The following RFX8 variants were observed in gnomAD, a reference collection of about 807,000 sequenced individuals.
RFX8 encodes the protein regulatory factor X8, also known as DNA-binding protein RFX8.
A neutral mutation model predicts 54.6 loss-of-function variants in RFX8; 46 were observed. That is an observed-to-expected ratio of 0.84 (90% CI 0.67 to 1.08). RFX8 has a LOEUF of 1.08. Among genes scored for constraint, RFX8 ranks in the 50% least tolerant of loss-of-function variants. The pLI, the probability that RFX8 is intolerant of heterozygous loss-of-function variation, is 0.00. For synonymous variants in RFX8, 192 were observed against 209.5 expected (o/e 0.92, Z 0.72); for missense variants, 536 against 562.3 (o/e 0.95, Z 0.47).
chr2:101,470,709 CTTTTTT>C (rs537834632), intron 1 of RFX8, among the ~76,000 whole-genome samples: 6 of 105,538 alleles, frequency 5.7e-5, no homozygotes, highest in African/African-American at 2.4e-4. Flanking sequence ...TCTGAGTACT[CTTTTTT>C]TTTTTTTTTT....
At chr2:101,402,380 T>A in intron 11 of RFX8, 56 bp downstream of exon 11, 1 of 1,337,220 alleles carries the variant, frequency 7.5e-7, no homozygotes, top group East Asian at 2.5e-5. Flanking sequence ...ACTAATCACC[T>A]GTGGCTCTTA....
At chr2:101,401,494 A>T (rs1008354491) in intron 11 of RFX8, among the ~76,000 whole-genome samples, 1 of 152,166 alleles carries the variant, frequency 6.6e-6, no homozygotes, top group African/African-American at 2.4e-5. Flanking sequence ...ACCTGCCTCA[A>T]TTTCCTACTA....
In RFX8 at chr2:101,402,682, C is replaced by T; in HGVS notation, c.999G>A (p.Glu333=). 1 of 1,555,156 alleles carries T rather than the reference C, an allele frequency of 6.4e-7. No individual in the cohort carries two copies. The highest frequency in any genetic ancestry group is 8.7e-7 in the Non-Finnish European group (1 of 1,148,544). ...MIHILQSCLE[E]EEEEEDMGTV... The stretch of plus-strand genomic sequence containing the variant: ...TCCCCATGTCCTCCTCCTCCTCTTC[C>T]TCCTCTAGGCATGACTGAAGTATAT... Residue 333 remains glutamate (E), a synonymous_variant, in exon 11 of 12, where the codon GAG becomes GAA. Coordinates refer to ENST00000428343, the MANE Select transcript of RFX8 (RefSeq NM_001145664.2).
At chr2:101,433,027 G>A (rs531526167) in intron 2 of RFX8, among the ~76,000 whole-genome samples, 4 of 152,250 alleles carry the variant, frequency 2.6e-5, no homozygotes, top group South Asian at 2.1e-4. Flanking sequence ...AGGGAAGGGC[G>A]GGGTCAGCTG....
intron 8 of RFX8, among the ~76,000 whole-genome samples, chr2:101,411,383 G>A (rs1437022341): frequency 6.6e-6 from 1 of 152,180 alleles, no homozygotes; most frequent in Non-Finnish European, 1.5e-5. Context: ...AGCAGTGGCT[G>A]GCAGTCTGCT....
chr2:101,439,597 A>T (rs6709281), intron 2 of RFX8, among the ~76,000 whole-genome samples: 110,460 of 145,592 alleles, frequency 0.76, 42,579 homozygotes, highest in Middle Eastern at 0.88. Flanking sequence ...ATTGAAGTTC[A>T]TTTTTTTTTT....
At position 101,417,270 on chromosome 2, in the gene RFX8, T is replaced by C. The variant is rs181669041; in HGVS notation, c.502+264A>G. 6.6e-5 allele frequency among the ~76,000 whole-genome samples: 10 copies of C among 152,328 alleles called. No homozygotes were observed. The East Asian group carries it at 1.7e-3, about 26-fold the overall frequency. On this transcript the variant is annotated intron_variant, in intron 6 of 11. Coordinates refer to ENST00000428343, the MANE Select transcript of RFX8 (RefSeq NM_001145664.2). ...CCCAGGCTGGAGTGCAGTGACATGA[T>C]CATGGCTCACTGTAGCCTTGACCTC...
chr2:101,458,041 T>G (rs1369550347), intron 2 of RFX8, among the ~76,000 whole-genome samples: 1 of 152,200 alleles, frequency 6.6e-6, no homozygotes, highest in Non-Finnish European at 1.5e-5. Context: ...CCCCTGCTTT[T>G]TTTTCGCTTT....
At chr2:101,409,662 G>A (rs1478538517) in intron 9 of RFX8, among the ~76,000 whole-genome samples, 2 of 152,122 alleles carry the variant, frequency 1.3e-5, no homozygotes, top group East Asian at 1.9e-4. Flanking sequence ...ACCATGCCCA[G>A]CTAATTTTTG....
intron 1 of RFX8, among the ~76,000 whole-genome samples, chr2:101,473,422 A>G (rs1332510330): frequency 1.3e-5 from 2 of 152,016 alleles, no homozygotes; most frequent in Admixed American, 1.3e-4. Flanking sequence ...TTTTCCTCTC[A>G]TTGAAGATAA....
intron 2 of RFX8, among the ~76,000 whole-genome samples, chr2:101,463,845 G>T (rs11123887): frequency 0.34 from 52,304 of 151,842 alleles, 9,622 homozygotes; most frequent in African/African-American, 0.44. Flanking sequence ...GTTCTCTGTG[G>T]CAAGATACCA....
intron 2 of RFX8, among the ~76,000 whole-genome samples, chr2:101,437,790 ATT>A (rs375775193): frequency 0.76 from 114,805 of 151,828 alleles, 44,371 homozygotes; most frequent in Middle Eastern, 0.88. Context: ...TTTTACTTAA[ATT>A]CCCCAAGTTT....
At chr2:101,442,383 C>G (rs911589319) in intron 2 of RFX8, among the ~76,000 whole-genome samples, 3 of 152,174 alleles carry the variant, frequency 2.0e-5, no homozygotes, top group African/African-American at 7.2e-5. Flanking sequence ...TTTCCTTTCT[C>G]TTTGAAAAAC....
At chr2:101,455,591 C>T (rs7587354) in intron 2 of RFX8, among the ~76,000 whole-genome samples, 52,182 of 151,704 alleles carry the variant, frequency 0.34, 9,578 homozygotes, top group African/African-American at 0.44. Context: ...GTTTTGGTAC[C>T]AGTACCATGC....
At position 101,397,390 on chromosome 2, in the gene RFX8, G is replaced by A. The variant is rs943673026; in HGVS notation, c.*158C>T. ...TCCAAATCAGTTTACATATTTTATCGAAACCACCTCCTTGAAATACATATA... is the reference window on the plus strand; with the variant it reads ...TCCAAATCAGTTTACATATTTTATCAAAACCACCTCCTTGAAATACATATA... On this transcript the variant is annotated 3_prime_UTR_variant, in exon 12 of 12. Coordinates refer to ENST00000428343, the MANE Select transcript of RFX8 (RefSeq NM_001145664.2). The A allele has an allele frequency of 1.0e-4, 46 of 439,652 alleles. No homozygotes were observed. The highest frequency in any genetic ancestry group is 6.9e-4 in the African/African-American group (34 of 49,044). The allele number at this position is 439,652 out of a possible 1,614,324, so 27.2% of individuals were successfully genotyped here. A position where few individuals can be genotyped will look rare whatever the true frequency, so the allele number is the denominator to read the frequency against.
At chr2:101,436,911 G>A (rs1203547790) in intron 2 of RFX8, among the ~76,000 whole-genome samples, 2 of 152,122 alleles carry the variant, frequency 1.3e-5, no homozygotes, top group African/African-American at 2.4e-5. Context: ...GAAAATGCCA[G>A]GAGAGTGCTT....
intron 2 of RFX8, among the ~76,000 whole-genome samples, chr2:101,427,684 T>C (rs1687255555): frequency 1.3e-5 from 2 of 152,104 alleles, no homozygotes; most frequent in Non-Finnish European, 2.9e-5. Flanking sequence ...CTAATCACTC[T>C]TGCCTCCCAC....
intron 1 of RFX8, among the ~76,000 whole-genome samples, chr2:101,473,909 C>T (rs1690146860): frequency 1.3e-5 from 2 of 152,212 alleles, no homozygotes; most frequent in African/African-American, 2.4e-5. Flanking sequence ...GTCCAACCAA[C>T]GGGTCCCCGC....
At chr2:101,474,507 C>T (rs1455063116) in intron 1 of RFX8, 129 bp downstream of exon 1, 5 of 334,482 alleles carry the variant, frequency 1.5e-5, no homozygotes, top group East Asian at 9.1e-5. Flanking sequence ...CGCGCCCCGC[C>T]GAGGATGCGC....
Sources: allele counts gnomAD v4.1 joint callset (sites outside exome capture counted in the v4.1 genomes callset), GRCh38; gene constraint gnomAD v4.1.1; transcripts MANE v1.5; gene names NCBI Gene and HGNC (gene_info 2026-07-23, HGNC 2026-07-21).